Variants in FRY observed in about 807,000 individuals in gnomAD.
FRY encodes FRY microtubule binding protein.
FRY carries 128 observed loss-of-function variants against 348.4 expected under a neutral mutation model. That is an observed-to-expected ratio of 0.37 (90% CI 0.32 to 0.43). The LOEUF (loss-of-function observed/expected upper bound fraction) is 0.43. FRY is among the 20% of genes least tolerant of loss of function. The pLI, the probability that FRY is intolerant of heterozygous loss-of-function variation, is 1.00. For missense variants in FRY, 2,736 were observed against 3,695.2 expected, an observed-to-expected ratio of 0.74 and a Z score of 6.73; for synonymous variants, 1,370 against 1,374.7, an observed-to-expected ratio of 1.00 and a Z score of 0.08.
chr13:32,202,076 C>A (rs999426561), intron 30 of FRY, 36 bp downstream of exon 30: 2 of 1,189,804 alleles, frequency 1.7e-6, no homozygotes, highest in Non-Finnish European at 2.5e-6. Flanking sequence ...AATATCCATC[C>A]TTGAGTACAG....
At chr13:32,089,668 A>C (rs1876120961) in intron 2 of FRY, among the ~76,000 whole-genome samples, 1 of 152,062 alleles carries the variant, frequency 6.6e-6, no homozygotes, top group Non-Finnish European at 1.5e-5. Flanking sequence ...CCAGAGGCTG[A>C]GGTGGGAGGA....
At chr13:32,287,792 T>C in intron 58 of FRY, 2 of 755,228 alleles carry the variant, frequency 2.6e-6, no homozygotes, top group Non-Finnish European at 4.0e-6. Flanking sequence ...AGGGCCGTGC[T>C]TTCTGTTGCA....
chr13:32,105,022 AAAGC>A (rs1291235075), intron 3 of FRY, among the ~76,000 whole-genome samples: 2 of 152,226 alleles, frequency 1.3e-5, no homozygotes, highest in African/African-American at 4.8e-5. Context: ...AGACTAATAT[AAAGC>A]CATAGAGAAA....
chr13:32,070,012 C>T lies in FRY; in HGVS notation c.71-8822C>T, dbSNP rs541607565. On this transcript the variant is annotated intron_variant, in intron 1 of 60. Transcript: ENST00000542859. ...GTTTGCTTAGAATGATGGTTTCCAC[C>T]GTCATCCATGTCCCTGCAAAGGACA... Among the ~76,000 whole-genome samples the T allele has an allele frequency of 2.8e-3, 425 of 152,194 alleles. 3 individuals carry two copies. The highest frequency in any genetic ancestry group is 9.8e-3 in the African/African-American group (405 of 41,528).
At chr13:32,256,141 A>G (rs1338125261) in intron 51 of FRY, among the ~76,000 whole-genome samples, 1 of 152,186 alleles carries the variant, frequency 6.6e-6, no homozygotes, top group Non-Finnish European at 1.5e-5. Context: ...GACAAGAAAT[A>G]AGGAATACTA....
rs1882918208 is a variant in FRY, at chr13:32,184,692, G to A, written c.3146+1G>A. On this transcript the variant is annotated splice_donor_variant, in intron 25 of 60. Coordinates refer to ENST00000542859, the MANE Select transcript of FRY (RefSeq NM_023037.3). LOFTEE classifies it high-confidence loss of function. ...CTGATGCTGGTGTAATAAGTGACAG[G>A]TAGGATCAGAATTCTACCGAGTTGC... is the stretch of plus-strand genomic sequence containing the variant. 2 of 1,553,024 alleles carry A rather than the reference G, an allele frequency of 1.3e-6. No individual in the cohort carries two copies. Among genetic ancestry groups the A allele is most frequent in the South Asian group, 1.1e-5 (1 of 89,660 alleles).
chr13:32,289,744 GT>G lies in FRY; in HGVS notation c.8580+2del. 6.5e-7 allele frequency: 1 copy of G among 1,548,632 alleles called. No homozygotes were observed. Among genetic ancestry groups the G allele is most frequent in the Non-Finnish European group, 8.9e-7 (1 of 1,120,130 alleles). On this transcript the variant is annotated splice_donor_variant, in intron 59 of 60. Transcript: ENST00000542859. LOFTEE classifies it high-confidence loss of function. The stretch of plus-strand genomic sequence containing the variant: ...GCACGAAGTTAGCTCCATGCCAGAG[GT>G]GAGTCCACACGCTTCCCAACCCCAC...
chr13:32,069,686 C>G (rs1032751582), intron 1 of FRY, among the ~76,000 whole-genome samples: 1 of 152,168 alleles, frequency 6.6e-6, no homozygotes, highest in Non-Finnish European at 1.5e-5. Context: ...GTAAACCAGT[C>G]ACACAAGGAC....
chr13:32,254,489 A>C, intron 51 of FRY, 95 bp downstream of exon 51: 1 of 1,158,604 alleles, frequency 8.6e-7, no homozygotes. Flanking sequence ...TTTTTGTAAC[A>C]AGATCTTTAA....
chr13:32,066,857 A>G (rs1296824878), intron 1 of FRY, among the ~76,000 whole-genome samples: 1 of 152,202 alleles, frequency 6.6e-6, no homozygotes, highest in Non-Finnish European at 1.5e-5. Context: ...TAAAACCTAC[A>G]TTTTTACAGG....
intron 43 of FRY, among the ~76,000 whole-genome samples, chr13:32,236,786 A>AT (rs1314079811): frequency 6.6e-6 from 1 of 152,100 alleles, no homozygotes; most frequent in Non-Finnish European, 1.5e-5. Context: ...TAAGTTGAGC[A>AT]TTTTTTATGG....
intron 1 of FRY, among the ~76,000 whole-genome samples, chr13:32,033,362 T>A (rs1872342434): frequency 6.6e-6 from 1 of 152,230 alleles, no homozygotes; most frequent in East Asian, 1.9e-4. Context: ...ACGTGGTTTT[T>A]AAACATATTT....
In FRY at chr13:32,211,138, T is replaced by C. The variant is rs185295450; in HGVS notation, c.4591+104T>C. 1.4e-4 allele frequency: 148 copies of C among 1,085,372 alleles called. 1 individual carries two copies. The Admixed American group carries it at 2.8e-3, about 20-fold the overall frequency. The allele number at this position is 1,085,372 out of a possible 1,614,324, so 67.2% of individuals were successfully genotyped here. Reference sequence around the variant, plus strand: ...AATGTGTTTGTTACTTTTTTCTTATTCCTGTGTGTGCATTCAGTTAAGAGA... The same window carrying C: ...AATGTGTTTGTTACTTTTTTCTTATCCCTGTGTGTGCATTCAGTTAAGAGA... On this transcript the variant is annotated intron_variant, in intron 34 of 60. Transcript: ENST00000542859.
In FRY at chr13:32,171,060, T is replaced by G; in HGVS notation, c.1941T>G (p.Ser647=). The G allele has an allele frequency of 6.2e-7, 1 of 1,611,404 alleles. No homozygotes were observed. Among genetic ancestry groups the G allele is most frequent in the South Asian group, 1.1e-5 (1 of 91,026 alleles). The change falls in exon 18 of 61, where the codon TCT becomes TCG. Residue 647 remains serine (S), a synonymous_variant. Coordinates refer to ENST00000542859, the MANE Select transcript of FRY (RefSeq NM_023037.3). ...AATTGCGACATATTGCACAAAATTC[T>G]CTTCAGGGTTTACTTGTTGACTTCT... ...DDELRHIAQN[S]LQGLLVDFSD...
intron 1 of FRY, among the ~76,000 whole-genome samples, chr13:32,063,527 A>G (rs1874068467): frequency 6.6e-6 from 1 of 152,222 alleles, no homozygotes; most frequent in Admixed American, 6.5e-5. Context: ...ACACAGACAG[A>G]GTCTGAAAAC....
intron 1 of FRY, among the ~76,000 whole-genome samples, chr13:32,054,888 T>C (rs1873538958): frequency 6.6e-6 from 1 of 151,824 alleles, no homozygotes; most frequent in Non-Finnish European, 1.5e-5. Flanking sequence ...AATACATAAA[T>C]AAATAAATAA....
intron 55 of FRY, among the ~76,000 whole-genome samples, chr13:32,272,179 G>A (rs996841408): frequency 6.6e-6 from 1 of 152,194 alleles, no homozygotes; most frequent in African/African-American, 2.4e-5. Flanking sequence ...CCTGCTTTCT[G>A]CCTGTTATGA....
intron 8 of FRY, among the ~76,000 whole-genome samples, chr13:32,133,194 C>T (rs1879478179): frequency 6.6e-6 from 1 of 152,130 alleles, no homozygotes; most frequent in South Asian, 2.1e-4. Flanking sequence ...TTGCATACTA[C>T]ATAAATTATG....
chr13:32,130,396 A>G (rs1482960743), intron 7 of FRY, among the ~76,000 whole-genome samples: 1 of 151,838 alleles, frequency 6.6e-6, no homozygotes, highest in African/African-American at 2.4e-5. Context: ...ACCTCAGGCT[A>G]ATAGTCTCAG....
Sources: gnomAD v4.1 joint callset for allele counts (sites outside exome capture counted in the v4.1 genomes callset) on GRCh38, gnomAD v4.1.1 for gene constraint, MANE v1.5 for transcripts, NCBI Gene and HGNC (gene_info 2026-07-23, HGNC 2026-07-21) for gene names.